AKAP7: variants seen among roughly 807,000 people sequenced by gnomAD.
AKAP7 encodes A kinase (PRKA) anchor protein 7.
In AKAP7, 39 loss-of-function variants were observed where a neutral mutation model predicts 39.5. That is an observed-to-expected ratio of 0.99 (90% confidence interval 0.76 to 1.29). The LOEUF (loss-of-function observed/expected upper bound fraction) is 1.29, where lower values mean the gene tolerates loss of function less well. AKAP7 is among the 50% of genes most tolerant of loss of function. The pLI is 0.00. For synonymous variants in AKAP7, 140 were observed against 139.1 expected, an observed-to-expected ratio of 1.01 and a Z score of -0.05; for missense variants, 414 against 407.7, an observed-to-expected ratio of 1.02 and a Z score of -0.13.
At chr6:131,235,467 C>T (rs2128308666) in intron 7 of AKAP7, among the ~76,000 whole-genome samples, 1 of 152,256 alleles carries the variant, frequency 6.6e-6, no homozygotes, top group Admixed American at 6.5e-5. Flanking sequence ...AGTTCTAGAT[C>T]CCTGAGGAAT....
At position 131,165,227 on chromosome 6, in the gene AKAP7, G is replaced by A. The variant is rs757022435; in HGVS notation, c.428+10G>A. ...AAGATGAAGTAAACATGTGAGTAATGTATCTTTCTTAAATATAATTTTCCA... is the reference window on the plus strand; with the variant it reads ...AAGATGAAGTAAACATGTGAGTAATATATCTTTCTTAAATATAATTTTCCA... On this transcript the variant is annotated intron_variant, in intron 4 of 7. Transcript: ENST00000431975. 1.5e-4 allele frequency: 236 copies of A among 1,584,466 alleles called. 1 individual carries two copies. Among genetic ancestry groups the A allele is most frequent in the Middle Eastern group, 3.5e-4 (2 of 5,766 alleles).
At chr6:131,179,235 A>G (rs544256282) in intron 5 of AKAP7, among the ~76,000 whole-genome samples, 2 of 152,036 alleles carry the variant, frequency 1.3e-5, no homozygotes, top group African/African-American at 4.8e-5. Flanking sequence ...GTGCAGTTGC[A>G]CAATCTTGGC....
intron 7 of AKAP7, among the ~76,000 whole-genome samples, chr6:131,243,018 A>G (rs1212052170): frequency 6.6e-6 from 1 of 152,126 alleles, no homozygotes; most frequent in Non-Finnish European, 1.5e-5. Flanking sequence ...TTAGCTGCCA[A>G]GTGTTGGGTG....
chr6:131,250,487 G>A (rs189059440), intron 7 of AKAP7: 22 of 1,602,694 alleles, frequency 1.4e-5, no homozygotes, highest in East Asian at 9.0e-5. Flanking sequence ...GGGTGTGCTC[G>A]CAGACTGTGC....
Position 131,165,091 on chromosome 6 carries a change from G to C in AKAP7, c.302G>C (p.Gly101Ala), listed in dbSNP as rs1803352191. Residue 101 changes from glycine (G) to alanine (A), a missense_variant, in exon 4 of 8, where the codon GGA (glycine) becomes GCA (alanine). Physicochemically the swap from Gly to Ala is moderately conservative, Grantham distance 60. Transcript: ENST00000431975. ...IPITNKEIIK[G>A]IKILQNAIIQ... is the part of the protein sequence containing the mutation. ...TGTATGTGTTATTAGATTATAAAAG[G>C]AATTAAGATCCTGCAGAATGCAATA... The C allele has an allele frequency of 1.9e-6, 3 of 1,605,354 alleles. No homozygotes were observed. The highest frequency in any genetic ancestry group is 2.5e-6 in the Non-Finnish European group (3 of 1,176,814).
intron 2 of AKAP7, among the ~76,000 whole-genome samples, chr6:131,159,092 A>AT (rs1037052697): frequency 8.4e-4 from 34 of 40,502 alleles, no homozygotes; most frequent in South Asian, 2.1e-3. Flanking sequence ...ATTTTATTTT[A>AT]TTTTTTATTT....
the AKAP7 span, among the ~76,000 whole-genome samples, chr6:131,127,100 C>G: frequency 1.3e-5 from 2 of 151,828 alleles, no homozygotes; most frequent in South Asian, 2.1e-4. Flanking sequence ...GGCTGGAGTG[C>G]AGTGGCGCGA....
chr6:131,182,654 A>T (rs1805381429), intron 5 of AKAP7, among the ~76,000 whole-genome samples: 1 of 152,220 alleles, frequency 6.6e-6, no homozygotes, highest in Admixed American at 6.5e-5. Context: ...TCTTTTGGAT[A>T]TGTAACCAGA....
At chr6:131,274,004 A>G (rs1814532848) in intron 7 of AKAP7, among the ~76,000 whole-genome samples, 2 of 151,016 alleles carry the variant, frequency 1.3e-5, no homozygotes, top group South Asian at 4.2e-4. Context: ...CAGTGGCGCA[A>G]TCTCAGCTCA....
intron 5 of AKAP7, among the ~76,000 whole-genome samples, chr6:131,198,184 T>A (rs1293277366): frequency 6.6e-6 from 1 of 152,160 alleles, no homozygotes; most frequent in African/African-American, 2.4e-5. Context: ...CTCCTAACAC[T>A]CAGCTTTTCT....
intron 7 of AKAP7, among the ~76,000 whole-genome samples, chr6:131,237,178 C>T (rs1021787607): frequency 4.6e-5 from 7 of 151,984 alleles, no homozygotes; most frequent in East Asian, 3.9e-4. Context: ...TGGTTTTTGT[C>T]GTTGATTCTG....
At chr6:131,155,570 T>C (rs899614967) in intron 2 of AKAP7, among the ~76,000 whole-genome samples, 82 of 152,362 alleles carry the variant, frequency 5.4e-4, no homozygotes, top group Middle Eastern at 3.4e-3. Context: ...GCTTGAAATT[T>C]CTATAAAGAA....
At chr6:131,215,123 G>A (rs1209027433) in intron 6 of AKAP7, among the ~76,000 whole-genome samples, 2 of 151,224 alleles carry the variant, frequency 1.3e-5, no homozygotes, top group Non-Finnish European at 3.0e-5. Context: ...TTTTTTTTCA[G>A]ATTGGGCCAC....
chr6:131,145,780 C>T (rs1190970722), intron 2 of AKAP7, among the ~76,000 whole-genome samples: 1 of 152,136 alleles, frequency 6.6e-6, no homozygotes, highest in African/African-American at 2.4e-5. Flanking sequence ...TCTCAAACTC[C>T]TGGGCTCAAG....
At chr6:131,260,023 C>T (rs1434580218) in intron 7 of AKAP7, among the ~76,000 whole-genome samples, 2 of 152,104 alleles carry the variant, frequency 1.3e-5, no homozygotes, top group African/African-American at 2.4e-5. Flanking sequence ...TTGTTCAGCC[C>T]CTACTTGTAA....
At chr6:131,183,534 G>A (rs1390833406) in intron 5 of AKAP7, among the ~76,000 whole-genome samples, 1 of 152,060 alleles carries the variant, frequency 6.6e-6, no homozygotes, top group Non-Finnish European at 1.5e-5. Flanking sequence ...TGAGCTGCTG[G>A]CCTGGCCCCC....
intron 5 of AKAP7, among the ~76,000 whole-genome samples, chr6:131,178,131 A>G (rs1019607492): frequency 6.6e-6 from 1 of 152,174 alleles, no homozygotes; most frequent in Non-Finnish European, 1.5e-5. Flanking sequence ...CATAGCTCAC[A>G]TTGCAATGCT....
chr6:131,183,786 A>G (rs1805527513), intron 5 of AKAP7, among the ~76,000 whole-genome samples: 1 of 152,040 alleles, frequency 6.6e-6, no homozygotes, highest in Non-Finnish European at 1.5e-5. Flanking sequence ...CGTAGCAGGA[A>G]CAGAGGGCTG....
At chr6:131,265,611 G>A (rs1448129294) in intron 7 of AKAP7, among the ~76,000 whole-genome samples, 1 of 152,074 alleles carries the variant, frequency 6.6e-6, no homozygotes, top group East Asian at 1.9e-4. Flanking sequence ...AATATAAATA[G>A]TTTCTGGTTA....
Sources: gnomAD v4.1 joint callset for allele counts (sites outside exome capture counted in the v4.1 genomes callset) on GRCh38, gnomAD v4.1.1 for gene constraint, MANE v1.5 for transcripts, NCBI Gene and HGNC (gene_info 2026-07-23, HGNC 2026-07-21) for gene names.